The following SYMPK variants were observed in gnomAD, a reference collection of about 807,000 sequenced individuals.
SYMPK encodes symplekin scaffold protein, also known as symplekin.
In SYMPK, 49 loss-of-function variants were observed where a neutral mutation model predicts 136.4. The ratio of observed to expected loss-of-function variants is 0.36; its 90% CI spans 0.29 to 0.46. The LOEUF (loss-of-function observed/expected upper bound fraction) is 0.46. Ranked by LOEUF, SYMPK falls within the 20% of genes least tolerant of loss-of-function variation. The pLI is 1.00. For missense variants in SYMPK, 1,365 were observed against 1,690.0 expected (o/e 0.81, Z 3.37); for synonymous variants, 766 against 713.0 (o/e 1.07, Z -1.19).
chr19:45,853,191 C>CTGA (rs996384757), intron 3 of SYMPK, among the ~76,000 whole-genome samples: 1 of 152,212 alleles, frequency 6.6e-6, no homozygotes, highest in African/African-American at 2.4e-5. Flanking sequence ...AGGCTACAGG[C>CTGA]TGATGAAGGA....
rs1971455099 is a variant in SYMPK at position 45,842,157 on chromosome 19, T to A, written c.1087+93A>T. On this transcript the variant is annotated intron_variant, in intron 9 of 26. Coordinates refer to ENST00000245934, the MANE Select transcript of SYMPK (RefSeq NM_004819.3). ...GGCCCACATAACATAATCTATAATA[T>A]AATCTTAGTAAATACAAATTCAGCA... The A allele has an allele frequency of 3.8e-6, 6 of 1,558,520 alleles. No homozygotes were observed. In the South Asian group the frequency reaches 7.2e-5, roughly 19 times the overall value.
chr19:45,850,411 C>T (rs961067237), intron 5 of SYMPK, among the ~76,000 whole-genome samples: 3 of 152,162 alleles, frequency 2.0e-5, no homozygotes, highest in African/African-American at 2.4e-5. Flanking sequence ...TAATACAGTG[C>T]CTTACAAACA....
chr19:45,822,689 C>T, intron 21 of SYMPK, 67 bp downstream of exon 21: 3 of 1,414,414 alleles, frequency 2.1e-6, no homozygotes, highest in Non-Finnish European at 3.0e-6. Flanking sequence ...GGTGCCTGCA[C>T]CTTGCCTTCT....
At position 45,830,363 on chromosome 19, in the gene SYMPK, G is replaced by A. The variant is rs958428821; in HGVS notation, c.1599-159C>T. 3.1e-5 allele frequency: 26 copies of A among 848,146 alleles called. No homozygotes were observed. The South Asian group carries it at 3.4e-4, about 11-fold the overall frequency. 52.5% of individuals were successfully genotyped at this position (848,146 alleles called of 1,614,324 possible). A position where few individuals can be genotyped will look rare whatever the true frequency, so the allele number is the denominator to read the frequency against. The stretch of plus-strand genomic sequence containing the variant: ...CTGTGTCTCTGAGGCACGGTGTGGC[G>A]GTGGGTAAGAGGAAGGAAGAGGATG... On this transcript the variant is annotated intron_variant, in intron 12 of 26. Transcript: ENST00000245934.
At position 45,844,084 on chromosome 19, in the gene SYMPK, G is replaced by A. The variant is rs767958811; in HGVS notation, c.793C>T (p.Arg265Cys). The change falls in exon 8 of 27, where the codon CGC (arginine) becomes TGC (cysteine). Residue 265 changes from arginine to cysteine, a missense_variant. Coordinates refer to ENST00000245934, the MANE Select transcript of SYMPK (RefSeq NM_004819.3). Reference sequence around the variant, plus strand: ...TCAGACATGAACATGGGTCTCTGGCGGGCGATATTGGCAAGGGAGCCCAGC... The same window carrying A: ...TCAGACATGAACATGGGTCTCTGGCAGGCGATATTGGCAAGGGAGCCCAGC... ...TALGSLANIA[R>C]QRPMFMSEVI... The A allele has an allele frequency of 6.2e-6, 10 of 1,611,468 alleles. No individual in the cohort carries two copies. Among genetic ancestry groups the A allele is most frequent in the South Asian group, 1.1e-5 (1 of 90,434 alleles).
intron 1 of SYMPK, among the ~76,000 whole-genome samples, chr19:45,857,262 A>T (rs12983756): frequency 0.4 from 59,029 of 148,608 alleles, 12,086 homozygotes; most frequent in African/African-American, 0.51. Flanking sequence ...ACAAAAAAAT[A>T]TGCCGGGCAT....
chr19:45,842,060 C>T (rs1400818889), intron 9 of SYMPK, among the ~76,000 whole-genome samples, 190 bp downstream of exon 9: 1 of 151,752 alleles, frequency 6.6e-6, no homozygotes, highest in Non-Finnish European at 1.5e-5. Flanking sequence ...TGGTCTTGAA[C>T]CCCGGCCTCA....
rs772100834 is a variant in SYMPK at position 45,817,946 on chromosome 19, G to A, written c.3081+13C>T. The A allele has an allele frequency of 1.3e-5, 20 of 1,554,126 alleles. No individual in the cohort carries two copies. The highest frequency in any genetic ancestry group is 1.1e-4 in the Admixed American group (6 of 52,698). On this transcript the variant is annotated intron_variant, in intron 23 of 26. Coordinates refer to ENST00000245934, the MANE Select transcript of SYMPK (RefSeq NM_004819.3). ...TCTGCAGCCTGGAGGCGGGGTGGCCGGGGATGGGTTACCTGCTTCATGATG... is the reference window on the plus strand; with the variant it reads ...TCTGCAGCCTGGAGGCGGGGTGGCCAGGGATGGGTTACCTGCTTCATGATG...
At chr19:45,847,295 G>A (rs1349979698) in intron 7 of SYMPK, among the ~76,000 whole-genome samples, 2 of 151,860 alleles carry the variant, frequency 1.3e-5, no homozygotes, top group African/African-American at 4.8e-5. Context: ...ATGGTGGCGG[G>A]AGCCTGTAGC....
At chr19:45,838,070 G>T (rs1271433614) in intron 10 of SYMPK, among the ~76,000 whole-genome samples, 2 of 152,072 alleles carry the variant, frequency 1.3e-5, no homozygotes, top group African/African-American at 4.8e-5. Context: ...CTGGTCGGGG[G>T]TGTTTGGATC....
chr19:45,822,429 G>A (rs987887188), intron 21 of SYMPK, among the ~76,000 whole-genome samples: 1 of 152,190 alleles, frequency 6.6e-6, no homozygotes, highest in Non-Finnish European at 1.5e-5. Context: ...CCCACAGCTT[G>A]AGGGATTCGG....
intron 7 of SYMPK, among the ~76,000 whole-genome samples, chr19:45,844,901 T>C (rs1444423547): frequency 6.6e-6 from 1 of 152,148 alleles, no homozygotes. Context: ...TAAAAAATTT[T>C]AATGGGTATA....
intron 22 of SYMPK, chr19:45,820,429 G>C (rs942420451): frequency 1.3e-5 from 2 of 152,244 alleles, no homozygotes; most frequent in Non-Finnish European, 2.9e-5. Flanking sequence ...GTTTCTCAGA[G>C]AACTTGCAGA....
At chr19:45,829,240 G>A in intron 13 of SYMPK, 35 bp from the exon 14 acceptor site, 1 of 1,587,998 alleles carries the variant, frequency 6.3e-7, no homozygotes, top group Non-Finnish European at 8.6e-7. Context: ...TCAGTGTAGG[G>A]TGGGCAATCC....
At chr19:45,818,211 C>T (rs931662864) in intron 22 of SYMPK, 65 bp from the exon 23 acceptor site, 33 of 1,452,298 alleles carry the variant, frequency 2.3e-5, no homozygotes, top group African/African-American at 7.1e-5. Flanking sequence ...GTGGGAGTCC[C>T]GGCCTCTGCT....
intron 1 of SYMPK, among the ~76,000 whole-genome samples, chr19:45,857,734 G>A (rs374227940): frequency 4.0e-5 from 6 of 150,808 alleles, no homozygotes; most frequent in Non-Finnish European, 8.8e-5. Context: ...CTCGTGATCC[G>A]CCCGCCTTGG....
intron 9 of SYMPK, among the ~76,000 whole-genome samples, chr19:45,840,678 C>G (rs114613567): frequency 0.14 from 21,593 of 149,244 alleles, 1,623 homozygotes; most frequent in South Asian, 0.18. Flanking sequence ...AAAAAAAAAA[C>G]AAACAAATAC....
intron 3 of SYMPK, among the ~76,000 whole-genome samples, chr19:45,853,818 A>T (rs79672086): frequency 0.028 from 4,239 of 152,204 alleles, 199 homozygotes; most frequent in African/African-American, 0.096. Context: ...TGGTGACAGG[A>T]ATGTCTGCCC....
At chr19:45,858,414 C>A (rs1241116005) in intron 1 of SYMPK, among the ~76,000 whole-genome samples, 1 of 152,190 alleles carries the variant, frequency 6.6e-6, no homozygotes, top group Non-Finnish European at 1.5e-5. Context: ...TTCCGTCTGC[C>A]TGGAATATTC....
Sources: gnomAD v4.1 joint callset for allele counts (sites outside exome capture counted in the v4.1 genomes callset) on GRCh38, gnomAD v4.1.1 for gene constraint, MANE v1.5 for transcripts, NCBI Gene and HGNC (gene_info 2026-07-23, HGNC 2026-07-21) for gene names.